The following KIAA1671 variants were observed in gnomAD, a reference collection of about 807,000 sequenced individuals.
KIAA1671 encodes the protein KIAA1671, also known as uncharacterized protein KIAA1671.
A neutral mutation model predicts 131.2 loss-of-function variants in KIAA1671; 52 were observed. The observed-to-expected ratio is 0.40, with a 90% CI of 0.32 to 0.50. KIAA1671 has a LOEUF of 0.50. Among genes scored for constraint, KIAA1671 ranks in the 20% least tolerant of loss-of-function variants. KIAA1671 has a pLI of 0.73. For missense variants in KIAA1671, 2,360 were observed against 2,364.2 expected (o/e 1.00, Z 0.04); for synonymous variants, 1,003 against 961.6 (o/e 1.04, Z -0.80).
Position 25,123,961 on chromosome 22 carries a change from C to T in KIAA1671, c.4531-46859C>T, listed in dbSNP as rs1016266617. ...GAGTATTATTTAATGCCTTGTCTTG[C>T]AGATGAGTAAATTGAGGTGGGAAGA... On this transcript the variant is annotated intron_variant, in intron 6 of 12. Coordinates refer to ENST00000358431, the MANE Select transcript of KIAA1671 (RefSeq NM_001145206.2). Among the ~76,000 whole-genome samples, 15 of 152,322 alleles carry T rather than the reference C, an allele frequency of 9.8e-5. No homozygotes were observed. The East Asian group carries it at 2.7e-3, about 27-fold the overall frequency.
intron 1 of KIAA1671, among the ~76,000 whole-genome samples, chr22:24,977,302 T>G (rs1327794154): frequency 6.6e-6 from 1 of 152,208 alleles, no homozygotes; most frequent in African/African-American, 2.4e-5. Flanking sequence ...TGTGACCCTT[T>G]AAAGGCCCTT....
chr22:25,032,784 C>T, intron 4 of KIAA1671, 88 bp downstream of exon 4: 1 of 738,918 alleles, frequency 1.4e-6, no homozygotes, highest in Non-Finnish European at 2.2e-6. Context: ...TTCTAGGCCC[C>T]AGGAAGACTC....
intron 6 of KIAA1671, among the ~76,000 whole-genome samples, chr22:25,160,024 A>C (rs1933382260): frequency 6.6e-6 from 1 of 152,200 alleles, no homozygotes; most frequent in Admixed American, 6.5e-5. Context: ...TTTAAAGGGG[A>C]ATGAGCCAAA....
intron 1 of KIAA1671, among the ~76,000 whole-genome samples, chr22:24,958,980 C>CAAAAAA (rs59084421): frequency 2.6e-5 from 2 of 77,520 alleles, no homozygotes; most frequent in Non-Finnish European, 6.1e-5. Context: ...AACTTCGTAT[C>CAAAAAA]AAAAAAAAAA....
At chr22:25,093,739 T>A (rs867357862) in intron 6 of KIAA1671, among the ~76,000 whole-genome samples, 612 of 89,608 alleles carry the variant, frequency 6.8e-3, no homozygotes, top group East Asian at 0.016. Context: ...ACACACACAC[T>A]CTCTCTCTCT....
At chr22:25,079,103 G>A (rs1929261481) in intron 6 of KIAA1671, among the ~76,000 whole-genome samples, 1 of 152,178 alleles carries the variant, frequency 6.6e-6, no homozygotes, top group Non-Finnish European at 1.5e-5. Context: ...AATAAGTGGT[G>A]GCAGCCGATG....
At chr22:24,990,561 GCCCTGGGTGGTGGTATGAGGTTTGGGCT>G (rs1923784578) in intron 1 of KIAA1671, among the ~76,000 whole-genome samples, 1 of 152,238 alleles carries the variant, frequency 6.6e-6, no homozygotes, top group African/African-American at 2.4e-5. Context: ...GCCAGCAGCA[GCCCTGGGTGGTGGTATGAGGTTTGGGCT>G]GCAGAACCAC....
chr22:25,146,827 G>A (rs998906046), intron 6 of KIAA1671, among the ~76,000 whole-genome samples: 1 of 152,198 alleles, frequency 6.6e-6, no homozygotes, highest in South Asian at 2.1e-4. Context: ...AAACAAAATA[G>A]AGGAGAGCAG....
chr22:24,996,560 T>C (rs1188013457), intron 1 of KIAA1671, among the ~76,000 whole-genome samples: 1 of 151,868 alleles, frequency 6.6e-6, no homozygotes, highest in African/African-American at 2.4e-5. Context: ...TCTGTGAAAG[T>C]GATTGATTTG....
rs1926756868 is a variant in KIAA1671 at position 25,038,866 on chromosome 22, A to G, written c.1736A>G (p.Asn579Ser). 7 of 1,551,702 alleles carry G rather than the reference A, an allele frequency of 4.5e-6. No individual in the cohort carries two copies. The Admixed American group carries it at 5.9e-5, about 13-fold the overall frequency. The change falls in exon 5 of 13, where the codon AAC becomes AGC. Residue 579 changes from asparagine (N) to serine (S), a missense_variant. Transcript: ENST00000358431. ...CAGACGGAGCAGAAGGTTAGCTCTAACCAAGACCCCGACAGCTGTCGCGGT... is the reference window on the plus strand; with the variant it reads ...CAGACGGAGCAGAAGGTTAGCTCTAGCCAAGACCCCGACAGCTGTCGCGGT... ...SRQTEQKVSS[N>S]QDPDSCRGGS... is the part of the protein sequence containing the mutation.
chr22:24,980,566 A>C (rs1049516779), intron 1 of KIAA1671, among the ~76,000 whole-genome samples: 3 of 151,604 alleles, frequency 2.0e-5, no homozygotes, highest in Non-Finnish European at 4.4e-5. Context: ...CACCGCACCC[A>C]GCCCAGTTTC....
At chr22:25,184,877 G>T (rs567449371) in intron 10 of KIAA1671, 100 bp from the exon 11 acceptor site, 2 of 1,417,746 alleles carry the variant, frequency 1.4e-6, no homozygotes, top group Middle Eastern at 2.4e-4. Flanking sequence ...AGGGGGCCCC[G>T]AGTGTTTGCA....
At chr22:25,044,455 G>A (rs1018545456) in intron 5 of KIAA1671, among the ~76,000 whole-genome samples, 1 of 152,086 alleles carries the variant, frequency 6.6e-6, no homozygotes, top group African/African-American at 2.4e-5. Flanking sequence ...TGTTGTGGAG[G>A]GGGGATCCTG....
chr22:25,174,277 A>T lies in KIAA1671; in HGVS notation c.4687A>T (p.Thr1563Ser). ...GTCCCCAGATAGCAGTGCCACATCG[A>T]CAAGGAAACAGCCCCCCAGCAGCCG... ...TESPDSSATS[T>S]RKQPPSSRLS... Residue 1563 changes from threonine (T) to serine (S), a missense_variant, in exon 8 of 13, where the codon ACA becomes TCA. By Grantham distance (58) the Thr-to-Ser change is moderately conservative. Transcript: ENST00000358431. 1 of 1,551,646 alleles carries T rather than the reference A, an allele frequency of 6.4e-7. No homozygotes were observed. The highest frequency in any genetic ancestry group is 8.7e-7 in the Non-Finnish European group (1 of 1,146,992).
Position 25,193,039 on chromosome 22 carries a change from G to T in KIAA1671, c.*638G>T, listed in dbSNP as rs1212294195. The T allele has an allele frequency of 6.6e-6, 1 of 152,022 alleles. No individual in the cohort carries two copies. The highest frequency in any genetic ancestry group is 1.5e-5 in the Non-Finnish European group (1 of 68,014). The allele number at this position is 152,022 out of a possible 1,614,324, so 9.4% of individuals were successfully genotyped here. On this transcript the variant is annotated 3_prime_UTR_variant, in exon 13 of 13. Coordinates refer to ENST00000358431, the MANE Select transcript of KIAA1671 (RefSeq NM_001145206.2). ...TCTAGTGGGGCTGTGTGCATCGTTG[G>T]CCTATGTTATTGTATGTCATTTTTG...
chr22:25,120,572 C>T (rs1044720405), intron 6 of KIAA1671, among the ~76,000 whole-genome samples: 3 of 152,164 alleles, frequency 2.0e-5, no homozygotes, highest in African/African-American at 7.2e-5. Context: ...CCTTTCCTGT[C>T]TCCCCAACCA....
At chr22:25,112,320 G>C (rs950657036) in intron 6 of KIAA1671, 1 of 398,912 alleles carries the variant, frequency 2.5e-6, no homozygotes, top group Admixed American at 4.4e-5. Context: ...GAGTCGGCCA[G>C]CCGGACCCCC....
At chr22:25,004,179 T>C (rs1181270183) in intron 1 of KIAA1671, among the ~76,000 whole-genome samples, 1 of 151,412 alleles carries the variant, frequency 6.6e-6, no homozygotes, top group African/African-American at 2.4e-5. Context: ...GCAGTGGTTT[T>C]ATCGTAGCTC....
intron 6 of KIAA1671, among the ~76,000 whole-genome samples, chr22:25,079,640 C>T (rs1052357653): frequency 1.3e-5 from 2 of 152,130 alleles, no homozygotes; most frequent in Non-Finnish European, 2.9e-5. Context: ...CTTTAAGGCC[C>T]AAGCATGCAC....
Sources: allele counts gnomAD v4.1 joint callset (sites outside exome capture counted in the v4.1 genomes callset), GRCh38; gene constraint gnomAD v4.1.1; transcripts MANE v1.5; gene names NCBI Gene and HGNC (gene_info 2026-07-23, HGNC 2026-07-21).